The following ZFHX3 variants were observed in gnomAD, a reference collection of about 807,000 sequenced individuals.
ZFHX3 encodes zinc finger homeobox protein 3.
Under a neutral mutation model 279.1 loss-of-function variants are expected in ZFHX3, and 42 were observed. The observed-to-expected ratio is 0.15, with a 90% CI of 0.12 to 0.19. ZFHX3 has a LOEUF of 0.19. Among genes scored for constraint, ZFHX3 ranks in the 10% least tolerant of loss-of-function variants. The pLI is 1.00. For synonymous variants in ZFHX3, 2,293 were observed against 1,957.8 expected, an observed-to-expected ratio of 1.17 and a Z score of -4.52; for missense variants, 4,981 against 4,754.0, an observed-to-expected ratio of 1.05 and a Z score of -1.40.
intron 1 of ZFHX3, among the ~76,000 whole-genome samples, chr16:73,819,594 C>G (rs976586306): frequency 5.9e-5 from 9 of 151,880 alleles, no homozygotes; most frequent in Admixed American, 5.3e-4. Context: ...TTGATCTTAA[C>G]CACTATGAAG....
intron 4 of ZFHX3, among the ~76,000 whole-genome samples, chr16:72,871,992 G>A (rs910583732): frequency 3.9e-5 from 6 of 152,084 alleles, no homozygotes; most frequent in African/African-American, 1.4e-4. Context: ...GGCTGAGGCA[G>A]GAGAATGGCA....
intron 7 of ZFHX3, among the ~76,000 whole-genome samples, chr16:73,109,791 G>C (rs1221291000): frequency 6.6e-6 from 1 of 152,130 alleles, no homozygotes; most frequent in African/African-American, 2.4e-5. Flanking sequence ...AGAGGTAGCA[G>C]TGAGCCAAGA....
chr16:73,372,676 T>A lies in ZFHX3; in HGVS notation c.-1290-54340A>T, dbSNP rs138325262. Among the ~76,000 whole-genome samples the A allele has an allele frequency of 3.3e-4, 50 of 152,338 alleles. 3 individuals carry two copies. The East Asian group carries it at 9.4e-3, about 29-fold the overall frequency. ...TTTCTCTGGCTGCTCAGAATAACCA[T>A]GGCCAAGATGGCCCATGATTTTGAG... On this transcript the variant is annotated intron_variant, in intron 3 of 17. Coordinates refer to the ZFHX3 transcript ENST00000641206.
chr16:73,891,346 A>G (rs2030531334), intron 1 of ZFHX3, among the ~76,000 whole-genome samples: 1 of 151,940 alleles, frequency 6.6e-6, no homozygotes, highest in Non-Finnish European at 1.5e-5. Context: ...ATACACACAT[A>G]CACGTGTCAG....
chr16:72,797,440 C>A lies in ZFHX3; in HGVS notation c.5242G>T (p.Ala1748Ser). The change falls in exon 9 of 10, where the codon GCC becomes TCC. Residue 1748 changes from alanine to serine, a missense_variant. This residue lies in a region of ZFHX3 where 1,751 missense variants were observed against 1,770.0 expected (regional missense o/e 0.99). Coordinates refer to ENST00000268489, the MANE Select transcript of ZFHX3 (RefSeq NM_006885.4). ...QQQQAQTLAQ[A>S]QAQVQAHLQQ... ...AGGTGAGCTTGAACTTGAGCCTGGGCCTGGGCCAGCGTTTGTGCTTGTTGT... is the reference window on the plus strand; with the variant it reads ...AGGTGAGCTTGAACTTGAGCCTGGGACTGGGCCAGCGTTTGTGCTTGTTGT... 1.2e-6 allele frequency: 2 copies of A among 1,613,406 alleles called. No individual in the cohort carries two copies. Among genetic ancestry groups the A allele is most frequent in the East Asian group, 2.2e-5 (1 of 44,872 alleles).
chr16:73,753,658 C>T (rs2053780371), intron 1 of ZFHX3, among the ~76,000 whole-genome samples: 1 of 152,228 alleles, frequency 6.6e-6, no homozygotes, highest in African/African-American at 2.4e-5. Context: ...ACCACCAGCT[C>T]ACCCTCAAAT....
At chr16:73,867,918 A>G (rs2142397303) in intron 1 of ZFHX3, among the ~76,000 whole-genome samples, 1 of 152,294 alleles carries the variant, frequency 6.6e-6, no homozygotes, top group South Asian at 2.1e-4. Flanking sequence ...AAGAACAGTG[A>G]GAACATGGTG....
intron 2 of ZFHX3, among the ~76,000 whole-genome samples, chr16:73,553,681 A>T (rs1475070444): frequency 3.3e-5 from 5 of 152,208 alleles, no homozygotes; most frequent in African/African-American, 1.2e-4. Context: ...TGATGTCTTA[A>T]TGGCAACCCA....
At chr16:73,780,615 T>C (rs1318816848) in intron 1 of ZFHX3, among the ~76,000 whole-genome samples, 2 of 152,040 alleles carry the variant, frequency 1.3e-5, no homozygotes, top group Non-Finnish European at 2.9e-5. Flanking sequence ...CTAATTTTTG[T>C]ATTTTTAATA....
intron 3 of ZFHX3, among the ~76,000 whole-genome samples, chr16:73,369,060 T>C (rs1009344447): frequency 1.3e-5 from 2 of 152,178 alleles, no homozygotes; most frequent in Non-Finnish European, 2.9e-5. Context: ...TAGGTTTTTG[T>C]GAGGATTGAG....
chr16:73,200,678 C>T (rs563504946), intron 5 of ZFHX3, among the ~76,000 whole-genome samples: 93 of 152,152 alleles, frequency 6.1e-4, no homozygotes, highest in Non-Finnish European at 1.2e-3. Context: ...TGAACCTAAC[C>T]AATTCACAAA....
chr16:73,536,014 T>C (rs1195674992), intron 2 of ZFHX3, among the ~76,000 whole-genome samples: 3 of 152,058 alleles, frequency 2.0e-5, no homozygotes, highest in Non-Finnish European at 2.9e-5. Flanking sequence ...GAGCCACCGC[T>C]CTCGGCCAAG....
chr16:72,855,126 C>G (rs1236834814), intron 4 of ZFHX3, among the ~76,000 whole-genome samples: 1 of 152,194 alleles, frequency 6.6e-6, no homozygotes, highest in East Asian at 1.9e-4. Context: ...TCTTCAACCT[C>G]TCCCTCTTCT....
At chr16:72,990,324 G>A (rs60758584) in intron 1 of ZFHX3, among the ~76,000 whole-genome samples, 6,670 of 152,288 alleles carry the variant, frequency 0.044, 318 homozygotes, top group African/African-American at 0.12. Flanking sequence ...TGTGAAGAGA[G>A]AGAACACAGA....
intron 2 of ZFHX3, among the ~76,000 whole-genome samples, chr16:73,633,828 G>A (rs942806299): frequency 6.6e-6 from 1 of 151,964 alleles, no homozygotes; most frequent in East Asian, 1.9e-4. Flanking sequence ...AACCCGGGAG[G>A]CGGAGGTTGC....
intron 1 of ZFHX3, among the ~76,000 whole-genome samples, chr16:73,782,723 C>T (rs1455539077): frequency 6.6e-6 from 1 of 152,130 alleles, no homozygotes; most frequent in Non-Finnish European, 1.5e-5. Flanking sequence ...TCTGGTTCTG[C>T]CCTTGTCTGC....
chr16:73,710,346 G>A (rs2053347287), intron 1 of ZFHX3, among the ~76,000 whole-genome samples: 1 of 152,134 alleles, frequency 6.6e-6, no homozygotes, highest in Non-Finnish European at 1.5e-5. Flanking sequence ...TTAGGAAAAA[G>A]CCACAGCCTC....
chr16:73,538,775 A>T (rs1226548917), intron 2 of ZFHX3, among the ~76,000 whole-genome samples: 1 of 152,206 alleles, frequency 6.6e-6, no homozygotes, highest in Non-Finnish European at 1.5e-5. Flanking sequence ...GTGAACAGAT[A>T]GATCTGCGCT....
chr16:73,007,391 T>C (rs1415179685), intron 1 of ZFHX3, among the ~76,000 whole-genome samples: 1 of 152,196 alleles, frequency 6.6e-6, no homozygotes, highest in Non-Finnish European at 1.5e-5. Flanking sequence ...TCCCTCTAAG[T>C]TTAAAATAAC....
Sources: allele counts gnomAD v4.1 joint callset (sites outside exome capture counted in the v4.1 genomes callset), GRCh38; gene constraint gnomAD v4.1.1; regional missense constraint gnomAD v4.1.1; transcripts MANE v1.5; gene names NCBI Gene and HGNC (gene_info 2026-07-23, HGNC 2026-07-21).